Variants in TMEM135 observed in about 807,000 individuals in gnomAD.
TMEM135 encodes the protein peroxisomal membrane protein 52.
Under a neutral mutation model 60.3 loss-of-function variants are expected in TMEM135, and 30 were observed. That is an observed-to-expected ratio of 0.50 (90% CI 0.37 to 0.68). The LOEUF (loss-of-function observed/expected upper bound fraction) is 0.68, where lower values mean the gene tolerates loss of function less well. Ranked by LOEUF, TMEM135 falls within the 30% of genes least tolerant of loss-of-function variation. The probability of loss-of-function intolerance (pLI) is 0.00; values close to 1 mark genes in which losing one functional copy is unlikely to be tolerated. For synonymous variants in TMEM135, 190 were observed against 186.7 expected, an observed-to-expected ratio of 1.02 and a Z score of -0.14; for missense variants, 468 against 548.8, an observed-to-expected ratio of 0.85 and a Z score of 1.47.
At chr11:87,086,901 G>A (rs1056857486) in intron 3 of TMEM135, among the ~76,000 whole-genome samples, 1 of 152,168 alleles carries the variant, frequency 6.6e-6, no homozygotes, top group African/African-American at 2.4e-5. Flanking sequence ...ACTGCCTCCT[G>A]CTGCTATCAA....
chr11:87,213,446 A>T (rs1940424656), intron 5 of TMEM135, among the ~76,000 whole-genome samples: 1 of 152,208 alleles, frequency 6.6e-6, no homozygotes, highest in Non-Finnish European at 1.5e-5. Flanking sequence ...TCAAATAAAG[A>T]TTTCTGGACC....
chr11:87,079,998 C>T (rs1299196414), intron 3 of TMEM135, among the ~76,000 whole-genome samples: 6 of 150,944 alleles, frequency 4.0e-5, no homozygotes, highest in Admixed American at 1.3e-4. Flanking sequence ...CGTGCCACCT[C>T]GCCTGGCTAA....
chr11:87,286,788 T>G (rs527666339), intron 6 of TMEM135, among the ~76,000 whole-genome samples: 5 of 152,396 alleles, frequency 3.3e-5, no homozygotes, highest in East Asian at 1.9e-4. Flanking sequence ...CTGATTAAAT[T>G]TATGCTTACG....
At chr11:87,239,402 C>G (rs1022433143) in intron 6 of TMEM135, among the ~76,000 whole-genome samples, 1 of 152,004 alleles carries the variant, frequency 6.6e-6, no homozygotes, top group Non-Finnish European at 1.5e-5. Context: ...TTAGATTTGT[C>G]TGTATGCTAG....
At chr11:87,305,824 TCTC>T in intron 8 of TMEM135, 109 bp from the exon 9 acceptor site, 1 of 500,350 alleles carries the variant, frequency 2.0e-6, no homozygotes, top group Non-Finnish European at 3.4e-6. Context: ...TTTTCTTCTC[TCTC>T]TTTTTTTTTT....
chr11:87,201,267 T>C (rs768532012), intron 5 of TMEM135, among the ~76,000 whole-genome samples: 27 of 152,214 alleles, frequency 1.8e-4, no homozygotes, highest in Non-Finnish European at 3.5e-4. Context: ...TAAAATCTTA[T>C]GTATTGTAAT....
rs1423379604 is a variant in TMEM135 at position 87,322,869 on chromosome 11, C to T, written c.*1536C>T. The T allele has an allele frequency of 2.2e-6, 1 of 454,414 alleles. No individual in the cohort carries two copies. Among genetic ancestry groups the T allele is most frequent in the Admixed American group, 2.3e-5 (1 of 42,558 alleles). The allele number at this position is 454,414 out of a possible 1,614,324, so 28.1% of individuals were successfully genotyped here. A position where few individuals can be genotyped will look rare whatever the true frequency, so the allele number is the denominator to read the frequency against. On this transcript the variant is annotated 3_prime_UTR_variant, in exon 15 of 15. Coordinates refer to ENST00000305494, the MANE Select transcript of TMEM135 (RefSeq NM_022918.4). Reference sequence around the variant, plus strand: ...TGGCATTATGATTAGCTTTGTAGAACTGACCTGTTTATTTGGCAATGCTGT... The same window carrying T: ...TGGCATTATGATTAGCTTTGTAGAATTGACCTGTTTATTTGGCAATGCTGT...
At chr11:87,149,385 G>C (rs1005571038) in intron 4 of TMEM135, among the ~76,000 whole-genome samples, 16 of 152,064 alleles carry the variant, frequency 1.1e-4, no homozygotes, top group Admixed American at 9.8e-4. Context: ...ATTCTCAGAG[G>C]TTTATTCTTC....
At chr11:87,132,973 A>G (rs927222371) in intron 4 of TMEM135, among the ~76,000 whole-genome samples, 3 of 152,210 alleles carry the variant, frequency 2.0e-5, no homozygotes, top group East Asian at 3.8e-4. Context: ...AAGTAACGTA[A>G]GAGTTACTCA....
At chr11:87,070,651 A>ACAG (rs1191107347) in intron 2 of TMEM135, among the ~76,000 whole-genome samples, 3 of 151,760 alleles carry the variant, frequency 2.0e-5, no homozygotes, top group Middle Eastern at 3.4e-3. Flanking sequence ...AACAACAACA[A>ACAG]CAAAAAACCA....
chr11:87,301,467 T>C (rs1942448591), intron 7 of TMEM135, among the ~76,000 whole-genome samples: 1 of 152,160 alleles, frequency 6.6e-6, no homozygotes, highest in Non-Finnish European at 1.5e-5. Flanking sequence ...GTGACCAGGC[T>C]GTTCTTGAAC....
intron 4 of TMEM135, among the ~76,000 whole-genome samples, chr11:87,143,629 T>C (rs1938327456): frequency 6.6e-6 from 1 of 152,166 alleles, no homozygotes; most frequent in African/African-American, 2.4e-5. Flanking sequence ...TAGAACCCTT[T>C]CTAGTTTTTG....
At chr11:87,153,607 A>T (rs1484227599) in intron 4 of TMEM135, among the ~76,000 whole-genome samples, 2 of 152,106 alleles carry the variant, frequency 1.3e-5, no homozygotes, top group African/African-American at 4.8e-5. Flanking sequence ...TATGCTTATT[A>T]TGCTTAATTT....
intron 6 of TMEM135, among the ~76,000 whole-genome samples, chr11:87,253,880 C>T (rs529018824): frequency 2.7e-4 from 41 of 151,662 alleles, no homozygotes; most frequent in Middle Eastern, 6.8e-3. Flanking sequence ...ATATTATTGA[C>T]AAAAAATTGA....
intron 5 of TMEM135, among the ~76,000 whole-genome samples, chr11:87,192,954 A>T (rs509359): frequency 0.13 from 19,981 of 152,088 alleles, 1,365 homozygotes; most frequent in Non-Finnish European, 0.15. Context: ...GTCTCTACTA[A>T]AAATATAAAA....
At chr11:87,177,344 G>T (rs912978168) in intron 5 of TMEM135, among the ~76,000 whole-genome samples, 4 of 152,030 alleles carry the variant, frequency 2.6e-5, no homozygotes, top group Non-Finnish European at 5.9e-5. Flanking sequence ...TTCATTTCTT[G>T]TTATTTTTTC....
chr11:87,244,110 A>G lies in TMEM135; in HGVS notation c.509+7426A>G, dbSNP rs1354900551. ...CTTTTCTGCATCTATTGAGATAATC[A>G]TGTGGTTTTTGTCTTTGGCTCTGTT... On this transcript the variant is annotated intron_variant, in intron 6 of 14. Transcript: ENST00000305494. Among the ~76,000 whole-genome samples the G allele has an allele frequency of 7.7e-5, 6 of 78,270 alleles. 1 individual carries two copies. Among genetic ancestry groups the G allele is most frequent in the Admixed American group, 6.5e-4 (6 of 9,256 alleles). 51.3% of individuals were successfully genotyped at this position (78,270 alleles called of 152,430 possible).
intron 6 of TMEM135, among the ~76,000 whole-genome samples, chr11:87,247,291 C>T (rs1030097535): frequency 2.6e-5 from 4 of 152,146 alleles, no homozygotes; most frequent in African/African-American, 7.2e-5. Context: ...TTAGGCTGCT[C>T]GGGGGTCAGG....
intron 5 of TMEM135, among the ~76,000 whole-genome samples, chr11:87,222,825 G>GA (rs146758484): frequency 0.024 from 3,220 of 131,888 alleles, 130 homozygotes; most frequent in African/African-American, 0.088. Context: ...AAGAAAGAAA[G>GA]AAAAAAAAAT....
Sources: gnomAD v4.1 joint callset for allele counts (sites outside exome capture counted in the v4.1 genomes callset) on GRCh38, gnomAD v4.1.1 for gene constraint, MANE v1.5 for transcripts, NCBI Gene and HGNC (gene_info 2026-07-23, HGNC 2026-07-21) for gene names.